Variants in STIM1 observed in about 807,000 individuals in gnomAD.
The protein encoded by STIM1 is stromal interaction molecule 1.
STIM1 carries 25 observed loss-of-function variants against 74.7 expected under a neutral mutation model. The ratio of observed to expected loss-of-function variants is 0.33; its 90% CI spans 0.24 to 0.47. The LOEUF (loss-of-function observed/expected upper bound fraction) is 0.47, where lower values mean the gene tolerates loss of function less well. Among genes scored for constraint, STIM1 ranks in the 20% least tolerant of loss-of-function variants. STIM1 has a pLI of 1.00. For synonymous variants in STIM1, 328 were observed against 348.8 expected (o/e 0.94, Z 0.66); for missense variants, 728 against 920.8 (o/e 0.79, Z 2.71).
intron 1 of STIM1, among the ~76,000 whole-genome samples, chr11:3,865,883 G>A (rs2090836211): frequency 6.6e-6 from 1 of 152,200 alleles, no homozygotes; most frequent in South Asian, 2.1e-4. Context: ...ACTTGCTAGA[G>A]CAGGCAAGAC....
intron 4 of STIM1, among the ~76,000 whole-genome samples, chr11:4,057,523 T>C (rs2094299348): frequency 1.3e-5 from 2 of 152,158 alleles, no homozygotes; most frequent in African/African-American, 4.8e-5. Context: ...GCCACTTACT[T>C]GTGTGTGACT....
intron 2 of STIM1, among the ~76,000 whole-genome samples, chr11:4,009,182 C>A (rs1174931745): frequency 6.6e-6 from 1 of 151,608 alleles, no homozygotes; most frequent in Non-Finnish European, 1.5e-5. Context: ...GTAGTCCCAG[C>A]TACTTGGAAG....
At chr11:4,002,272 A>T (rs2093726003) in intron 2 of STIM1, among the ~76,000 whole-genome samples, 2 of 151,970 alleles carry the variant, frequency 1.3e-5, no homozygotes, top group Admixed American at 1.3e-4. Flanking sequence ...ACCCCAAATC[A>T]ACAGAATATA....
intron 7 of STIM1, among the ~76,000 whole-genome samples, chr11:4,076,280 G>A (rs2094436449): frequency 6.6e-6 from 1 of 151,808 alleles, no homozygotes; most frequent in African/African-American, 2.4e-5. Context: ...GAGGTCAGAA[G>A]TTCGAGACCA....
In STIM1 at chr11:4,056,526, A is replaced by G. The variant is rs148342948; in HGVS notation, c.497+889A>G. Among the ~76,000 whole-genome samples, 26 of 152,358 alleles carry G rather than the reference A, an allele frequency of 1.7e-4. No individual in the cohort carries two copies. The East Asian group carries it at 4.6e-3, about 27-fold the overall frequency. On this transcript the variant is annotated intron_variant, in intron 4 of 12. Coordinates refer to ENST00000526596, the MANE Select transcript of STIM1 (RefSeq NM_001382567.1). ...GCTTACTATCTGGTAAGTGCTGATT[A>G]TGTATAATCTGTCATCTTATTATGT...
rs2092087456 is a variant in STIM1 at position 3,895,690 on chromosome 11, CTTTCTTTCTTTCTTTCT to C, written c.139+39284_139+39300del. 5.0e-4 allele frequency among the ~76,000 whole-genome samples: 15 copies of C among 29,894 alleles called. 2 individuals are homozygous for C. Among genetic ancestry groups the C allele is most frequent in the African/African-American group, 3.0e-3 (15 of 5,076 alleles). The allele number at this position is 29,894 out of a possible 152,430, so 19.6% of individuals were successfully genotyped here. ...TCTTTCTTTCCTTCCTTCCTTCTTT[CTTTCTTTCTTTCTTTCT>C]TTCTTTCTTTCTTTCTTTCTTTCTT... On this transcript the variant is annotated intron_variant, in intron 1 of 12. Transcript: ENST00000526596.
chr11:4,011,292 A>G (rs1340482481), intron 2 of STIM1, among the ~76,000 whole-genome samples: 7 of 152,222 alleles, frequency 4.6e-5, no homozygotes, highest in African/African-American at 1.7e-4. Flanking sequence ...AGAAATCACC[A>G]CACTGTCTTC....
intron 1 of STIM1, among the ~76,000 whole-genome samples, chr11:3,883,252 A>C (rs1057205265): frequency 6.6e-6 from 1 of 151,908 alleles, no homozygotes; most frequent in African/African-American, 2.4e-5. Flanking sequence ...CTCAAATGTC[A>C]CTTCCTCCGA....
chr11:3,941,673 TAG>T (rs1554959602), intron 1 of STIM1, among the ~76,000 whole-genome samples: 21 of 90,734 alleles, frequency 2.3e-4, no homozygotes, highest in South Asian at 1.2e-3. Context: ...TATATATATA[TAG>T]AGAGAGAGAG....
intron 7 of STIM1, among the ~76,000 whole-genome samples, chr11:4,078,288 C>T (rs549641373): frequency 2.0e-4 from 31 of 152,304 alleles, no homozygotes; most frequent in African/African-American, 7.2e-4. Context: ...GTATGTCCCT[C>T]CCTGACTTTT....
chr11:4,047,918 G>C (rs76198499), intron 3 of STIM1, among the ~76,000 whole-genome samples: 1 of 151,036 alleles, frequency 6.6e-6, no homozygotes, highest in Non-Finnish European at 1.5e-5. Flanking sequence ...TCCCAGGTTC[G>C]AGTGATTCTT....
chr11:4,075,826 A>G (rs1185360712), intron 7 of STIM1, among the ~76,000 whole-genome samples: 1 of 152,182 alleles, frequency 6.6e-6, no homozygotes, highest in Admixed American at 6.5e-5. Context: ...CAACAATGTA[A>G]GAGAATTCTA....
intron 1 of STIM1, among the ~76,000 whole-genome samples, chr11:3,883,646 C>A (rs926414541): frequency 6.6e-6 from 1 of 152,240 alleles, no homozygotes; most frequent in African/African-American, 2.4e-5. Context: ...AGGCACCACA[C>A]CCAGCCAATG....
chr11:3,892,619 A>G, intron 1 of STIM1: 2 of 1,603,548 alleles, frequency 1.2e-6, no homozygotes, highest in Non-Finnish European at 1.7e-6. Context: ...TGTATGCTTT[A>G]GGATGAAGTT....
intron 2 of STIM1, among the ~76,000 whole-genome samples, chr11:4,007,216 G>A (rs1464376117): frequency 6.6e-6 from 1 of 152,112 alleles, no homozygotes; most frequent in Non-Finnish European, 1.5e-5. Context: ...TCTAGCCAAT[G>A]TTGCATTCCC....
At chr11:4,070,354 G>T (rs572469495) in intron 6 of STIM1, 151 bp downstream of exon 6, 130 of 881,778 alleles carry the variant, frequency 1.5e-4, no homozygotes, top group Non-Finnish European at 2.1e-4. Context: ...GCAAGTTTAG[G>T]TTGCTGATAT....
At chr11:3,891,869 A>G (rs1011578119) in intron 1 of STIM1, among the ~76,000 whole-genome samples, 14 of 152,264 alleles carry the variant, frequency 9.2e-5, no homozygotes, top group Non-Finnish European at 1.5e-5. Flanking sequence ...TTGATGGGCT[A>G]TACCGCAAGT....
At chr11:3,971,620 C>T (rs1320919521) in intron 2 of STIM1, among the ~76,000 whole-genome samples, 2 of 152,154 alleles carry the variant, frequency 1.3e-5, no homozygotes, top group South Asian at 2.1e-4. Context: ...CGTTTAAGTG[C>T]TCCAAACCTT....
intron 1 of STIM1, among the ~76,000 whole-genome samples, chr11:3,917,310 T>C (rs2092658936): frequency 6.6e-6 from 1 of 152,162 alleles, no homozygotes; most frequent in Admixed American, 6.5e-5. Context: ...CAGTAATGAT[T>C]AGTGAGAAGA....
Sources: gnomAD v4.1 joint callset for allele counts (sites outside exome capture counted in the v4.1 genomes callset) on GRCh38, gnomAD v4.1.1 for gene constraint, MANE v1.5 for transcripts, NCBI Gene and HGNC (gene_info 2026-07-23, HGNC 2026-07-21) for gene names.